The following CELF5 variants were observed in gnomAD, a reference collection of about 807,000 sequenced individuals.
CELF5 encodes CUG-BP and ETR-3 like factor 5.
A neutral mutation model predicts 54.9 loss-of-function variants in CELF5; 6 were observed. The ratio of observed to expected loss-of-function variants is 0.11; its 90% confidence interval spans 0.06 to 0.22. The LOEUF is 0.22. Among genes scored for constraint, CELF5 ranks in the 10% least tolerant of loss-of-function variants. The probability of loss-of-function intolerance (pLI) is 1.00; values close to 1 mark genes in which losing one functional copy is unlikely to be tolerated. For synonymous variants in CELF5, 271 were observed against 290.9 expected, an observed-to-expected ratio of 0.93 and a Z score of 0.70; for missense variants, 401 against 678.6, an observed-to-expected ratio of 0.59 and a Z score of 4.54.
chr19:3,287,234 G>A (rs2080267679), intron 10 of CELF5, among the ~76,000 whole-genome samples: 1 of 151,102 alleles, frequency 6.6e-6, no homozygotes, highest in Admixed American at 6.6e-5. Flanking sequence ...AGTGAAAGAA[G>A]CCAGATAAAA....
chr19:3,282,331 T>C lies in CELF5; in HGVS notation c.893-21T>C. 1 of 1,608,568 alleles carries C rather than the reference T, an allele frequency of 6.2e-7. No homozygotes were observed. Reference sequence around the variant, plus strand: ...GCTGGAGCCAGAACTGGCCTCCCCATGACCCTCTTCCGCTCTGCAGGGCTG... The same window carrying C: ...GCTGGAGCCAGAACTGGCCTCCCCACGACCCTCTTCCGCTCTGCAGGGCTG... On this transcript the variant is annotated intron_variant, in intron 7 of 12. Transcript: ENST00000292672. The surrounding 1 kb of genome is among the most constrained non-coding windows in gnomAD (Gnocchi z 5.2).
chr19:3,278,308 G>T lies in CELF5; in HGVS notation c.603+198G>T. 6.6e-6 allele frequency among the ~76,000 whole-genome samples: 1 copy of T among 152,256 alleles called. No individual in the cohort carries two copies. The highest frequency in any genetic ancestry group is 1.9e-4 in the East Asian group (1 of 5,176). On this transcript the variant is annotated intron_variant, in intron 5 of 12. Transcript: ENST00000292672. This position sits in a 1 kb window ranked among gnomAD's most constrained non-coding sequence, Gnocchi z 4.5. Reference sequence around the variant, plus strand: ...GGGTATACACGTGTGAGTGTGTGCAGATGTGGAGGTGAGTAGGCAAGCGAA... The same window carrying T: ...GGGTATACACGTGTGAGTGTGTGCATATGTGGAGGTGAGTAGGCAAGCGAA...
chr19:3,281,413 G>A lies in CELF5; in HGVS notation c.750+68G>A, dbSNP rs1453737140. ...TCTCAGTCTCTGTCTACTCTCTGTC[G>A]GGCTCCTGCCTCTCCCTCCATCTCC... On this transcript the variant is annotated intron_variant, in intron 6 of 12. Coordinates refer to ENST00000292672, the MANE Select transcript of CELF5 (RefSeq NM_021938.4). The surrounding 1 kb of genome is among the most constrained non-coding windows in gnomAD (Gnocchi z 6.5). 1.2e-5 allele frequency: 19 copies of A among 1,523,138 alleles called. No individual in the cohort carries two copies. Among genetic ancestry groups the A allele is most frequent in the South Asian group, 2.4e-5 (2 of 83,916 alleles). 94.4% of individuals were successfully genotyped at this position (1,523,138 alleles called of 1,614,324 possible).
intron 11 of CELF5, among the ~76,000 whole-genome samples, chr19:3,290,587 A>G (rs1205898776): frequency 2.1e-5 from 3 of 143,652 alleles, no homozygotes; most frequent in African/African-American, 5.2e-5. Flanking sequence ...TTTTTGAGAC[A>G]GAGTCTCGCT....
At chr19:3,269,006 C>T (rs992671234) in intron 2 of CELF5, among the ~76,000 whole-genome samples, 1 of 152,066 alleles carries the variant, frequency 6.6e-6, no homozygotes, top group African/African-American at 2.4e-5. Flanking sequence ...TAGGGAGCCA[C>T]AGCAGCGTTT....
rs1251892664 is a variant in CELF5 at position 3,282,818 on chromosome 19, A to G, written c.1039+320A>G. On this transcript the variant is annotated intron_variant, in intron 8 of 12. Coordinates refer to ENST00000292672, the MANE Select transcript of CELF5 (RefSeq NM_021938.4). The surrounding 1 kb of genome is among the most constrained non-coding windows in gnomAD (Gnocchi z 5.2). ...AACATCAGTAGCCTCAGAGGGTTGCATTGACAATTTAATCTGTGTGCAAAA... is the reference window on the plus strand; with the variant it reads ...AACATCAGTAGCCTCAGAGGGTTGCGTTGACAATTTAATCTGTGTGCAAAA... Among the ~76,000 whole-genome samples, 3 of 152,164 alleles carry G rather than the reference A, an allele frequency of 2.0e-5. No individual in the cohort carries two copies. The highest frequency in any genetic ancestry group is 4.4e-5 in the Non-Finnish European group (3 of 68,024).
At chr19:3,255,399 G>A (rs1046085373) in intron 2 of CELF5, among the ~76,000 whole-genome samples, 2 of 152,158 alleles carry the variant, frequency 1.3e-5, no homozygotes, top group Non-Finnish European at 1.5e-5. Flanking sequence ...GACTAGGCTG[G>A]TTTTGAACTC....
At chr19:3,252,184 A>T (rs1599417944) in intron 2 of CELF5, among the ~76,000 whole-genome samples, 1 of 152,086 alleles carries the variant, frequency 6.6e-6, no homozygotes, top group Non-Finnish European at 1.5e-5. Flanking sequence ...CTATAGGTGC[A>T]TGCCATCACA....
chr19:3,295,113 A>G (rs78516974), intron 12 of CELF5: 7 of 152,176 alleles, frequency 4.6e-5, no homozygotes, highest in African/African-American at 2.4e-5. Flanking sequence ...ATAAATTCCA[A>G]CCGTTCTTTG....
intron 1 of CELF5, among the ~76,000 whole-genome samples, chr19:3,248,055 G>A (rs568120155): frequency 5.9e-5 from 9 of 152,226 alleles, no homozygotes; most frequent in African/African-American, 1.2e-4. Context: ...GTGCACCACC[G>A]CACCCGGCCC....
intron 2 of CELF5, 54 bp from the exon 3 acceptor site, chr19:3,273,818 C>A: frequency 8.8e-7 from 1 of 1,140,944 alleles, no homozygotes; most frequent in Non-Finnish European, 1.3e-6. Context: ...AAACCCCCCG[C>A]CTGCCACACC....
intron 8 of CELF5, among the ~76,000 whole-genome samples, chr19:3,283,812 G>A (rs1351834482): frequency 6.6e-6 from 1 of 150,968 alleles, no homozygotes; most frequent in Non-Finnish European, 1.5e-5. Context: ...ACTCCAGACG[G>A]TATTCAAATT....
intron 2 of CELF5, among the ~76,000 whole-genome samples, chr19:3,259,347 C>T (rs1278450777): frequency 1.3e-5 from 2 of 152,026 alleles, no homozygotes; most frequent in Non-Finnish European, 1.5e-5. Context: ...ATGCACCTGG[C>T]ATGGAGTAGG....
At chr19:3,295,893 C>G (rs2145344240) in intron 12 of CELF5, 1 of 152,798 alleles carries the variant, frequency 6.5e-6, no homozygotes, top group South Asian at 2.1e-4. Flanking sequence ...CTCACCACCC[C>G]CTCCCAAGGC....
Position 3,285,999 on chromosome 19 carries a change from C to A in CELF5, c.1160C>A (p.Pro387His), listed in dbSNP as rs1182658404. ...GCGCACAGCGTCCCCCAGCCGCCGC[C>A]CCTCCTGCAGCAGCAGCAGCGAGAA... The part of the protein sequence containing the change: ...PIAHSVPQPP[P>H]LLQQQQREGP... Residue 387 changes from proline to histidine, a missense_variant, in exon 10 of 13, where the codon CCC becomes CAC. Physicochemically the swap from Pro to His is moderately conservative, Grantham distance 77. This residue lies in a region of CELF5 where 143 missense variants were observed against 147.6 expected (regional missense o/e 0.97). Transcript: ENST00000292672. The A allele has an allele frequency of 6.3e-7, 1 of 1,585,058 alleles. No individual in the cohort carries two copies.
At chr19:3,238,579 C>A (rs2079449042) in intron 1 of CELF5, among the ~76,000 whole-genome samples, 1 of 152,192 alleles carries the variant, frequency 6.6e-6, no homozygotes, top group East Asian at 1.9e-4. Context: ...CTGATGGATG[C>A]ATCACTGTGG....
chr19:3,278,292 C>T lies in CELF5; in HGVS notation c.603+182C>T, dbSNP rs992017726. Among the ~76,000 whole-genome samples, 5 of 152,180 alleles carry T rather than the reference C, an allele frequency of 3.3e-5. No individual in the cohort carries two copies. In the East Asian group the frequency reaches 5.8e-4, roughly 18 times the overall value. ...CTGTGGTCCCTGGAGTGGGTATACA[C>T]GTGTGAGTGTGTGCAGATGTGGAGG... On this transcript the variant is annotated intron_variant, in intron 5 of 12. Transcript: ENST00000292672. This position sits in a 1 kb window ranked among gnomAD's most constrained non-coding sequence, Gnocchi z 4.5.
In CELF5 at chr19:3,268,587, T is replaced by C. The variant is rs1408398603; in HGVS notation, c.343-5285T>C. Among the ~76,000 whole-genome samples, 1 of 152,032 alleles carries C rather than the reference T, an allele frequency of 6.6e-6. No homozygotes were observed. The highest frequency in any genetic ancestry group is 1.5e-5 in the Non-Finnish European group (1 of 68,002). On this transcript the variant is annotated intron_variant, in intron 2 of 12. Coordinates refer to ENST00000292672, the MANE Select transcript of CELF5 (RefSeq NM_021938.4). The surrounding 1 kb of genome is among the most constrained non-coding windows in gnomAD (Gnocchi z 4.4). ...GGCTGATGGGGATGGAGCCTGGGTT[T>C]TGCTTTCCGAGGAGTCTACAAACCC... is the stretch of plus-strand genomic sequence containing the variant.
chr19:3,280,760 T>TGGAGTTTCAGGTGTGG (rs1347324687), intron 5 of CELF5, among the ~76,000 whole-genome samples: 2 of 152,054 alleles, frequency 1.3e-5, no homozygotes, highest in East Asian at 3.9e-4. Context: ...CTCTGGAGAC[T>TGGAGTTTCAGGTGTGG]GGAGTTTCAG....
Sources: gnomAD v4.1 joint callset for allele counts (sites outside exome capture counted in the v4.1 genomes callset) on GRCh38, gnomAD v4.1.1 for gene constraint, gnomAD v4.1.1 regional missense constraint, Gnocchi (gnomAD v3.1) non-coding constraint, MANE v1.5 for transcripts, NCBI Gene and HGNC (gene_info 2026-07-23, HGNC 2026-07-21) for gene names.